The following PPP3CA variants were observed in gnomAD, a reference collection of about 807,000 sequenced individuals.
PPP3CA encodes protein phosphatase 3 catalytic subunit alpha.
PPP3CA carries 14 observed loss-of-function variants against 66.5 expected under a neutral mutation model. The ratio of observed to expected loss-of-function variants is 0.21; its 90% CI spans 0.14 to 0.33. PPP3CA has a LOEUF of 0.33. Ranked by LOEUF, PPP3CA falls within the 10% of genes least tolerant of loss-of-function variation. The pLI is 1.00. For synonymous variants in PPP3CA, 232 were observed against 226.2 expected (o/e 1.03, Z -0.23); for missense variants, 317 against 639.5 (o/e 0.50, Z 5.44).
chr4:101,233,624 G>A (rs958940171), intron 1 of PPP3CA, among the ~76,000 whole-genome samples: 11 of 151,498 alleles, frequency 7.3e-5, no homozygotes, highest in Non-Finnish European at 1.0e-4. Flanking sequence ...GCCTCTATGT[G>A]TGATACTGAA....
chr4:101,135,365 G>A (rs1054933765), intron 2 of PPP3CA, among the ~76,000 whole-genome samples: 6 of 151,966 alleles, frequency 3.9e-5, no homozygotes, highest in Non-Finnish European at 7.4e-5. Flanking sequence ...TGTCTGTGTT[G>A]AAACCCTTAG....
At chr4:101,213,004 TA>T (rs1454155346) in intron 1 of PPP3CA, among the ~76,000 whole-genome samples, 2 of 152,092 alleles carry the variant, frequency 1.3e-5, no homozygotes, top group East Asian at 3.9e-4. Context: ...ATTTTTCCTA[TA>T]AAACTCAGTC....
chr4:101,304,546 C>T (rs1025682395), intron 1 of PPP3CA, among the ~76,000 whole-genome samples: 1 of 152,032 alleles, frequency 6.6e-6, no homozygotes, highest in African/African-American at 2.4e-5. Flanking sequence ...AAAATAAATG[C>T]AATAAAAATC....
intron 2 of PPP3CA, among the ~76,000 whole-genome samples, chr4:101,152,765 A>C (rs987754829): frequency 2.0e-5 from 3 of 152,184 alleles, no homozygotes; most frequent in Non-Finnish European, 4.4e-5. Flanking sequence ...AGGCAGAGAA[A>C]CAGTCCTTGC....
At chr4:101,318,264 G>A (rs996812141) in intron 1 of PPP3CA, among the ~76,000 whole-genome samples, 2 of 152,248 alleles carry the variant, frequency 1.3e-5, no homozygotes, top group East Asian at 3.9e-4. Flanking sequence ...AAACCCCAGT[G>A]CCAATTAAAT....
intron 1 of PPP3CA, among the ~76,000 whole-genome samples, chr4:101,339,732 T>C (rs766254597): frequency 1.3e-5 from 2 of 152,226 alleles, no homozygotes; most frequent in Non-Finnish European, 2.9e-5. Flanking sequence ...AAGCAAGGCA[T>C]TGAGCTAGGG....
intron 2 of PPP3CA, among the ~76,000 whole-genome samples, chr4:101,167,899 A>AT (rs1723743059): frequency 6.6e-6 from 1 of 152,196 alleles, no homozygotes; most frequent in Admixed American, 6.5e-5. Flanking sequence ...ACATAAAGGC[A>AT]GAACAGGCAA....
At chr4:101,215,608 G>A (rs1311135418) in intron 1 of PPP3CA, among the ~76,000 whole-genome samples, 2 of 151,910 alleles carry the variant, frequency 1.3e-5, no homozygotes, top group African/African-American at 4.8e-5. Context: ...CTAAATGAAG[G>A]GGAAAGAAAG....
chr4:101,206,561 T>C (rs1725136683), intron 1 of PPP3CA, among the ~76,000 whole-genome samples: 1 of 152,152 alleles, frequency 6.6e-6, no homozygotes, highest in East Asian at 1.9e-4. Flanking sequence ...ATAATGCCAG[T>C]TGCAAATTTA....
At chr4:101,299,260 G>C (rs1187712319) in intron 1 of PPP3CA, among the ~76,000 whole-genome samples, 2 of 151,078 alleles carry the variant, frequency 1.3e-5, no homozygotes, top group Non-Finnish European at 3.0e-5. Flanking sequence ...GCCCATTAGA[G>C]TGTTCCAGGC....
At chr4:101,278,587 T>C (rs951905977) in intron 1 of PPP3CA, among the ~76,000 whole-genome samples, 5 of 152,310 alleles carry the variant, frequency 3.3e-5, no homozygotes, top group Non-Finnish European at 5.9e-5. Flanking sequence ...CTTCATTGTG[T>C]CCTGAAAAAC....
chr4:101,207,247 T>C (rs1725159004), intron 1 of PPP3CA, among the ~76,000 whole-genome samples: 1 of 152,178 alleles, frequency 6.6e-6, no homozygotes, highest in Non-Finnish European at 1.5e-5. Context: ...AGTTCAAATA[T>C]TTCCTTTAAA....
intron 1 of PPP3CA, among the ~76,000 whole-genome samples, chr4:101,317,141 T>C (rs1372821389): frequency 3.3e-5 from 5 of 151,956 alleles, no homozygotes; most frequent in African/African-American, 1.2e-4. Flanking sequence ...ACAATCTATC[T>C]GGCTGCATTC....
chr4:101,210,314 A>G (rs1243912911), intron 1 of PPP3CA, among the ~76,000 whole-genome samples: 1 of 152,184 alleles, frequency 6.6e-6, no homozygotes, highest in Non-Finnish European at 1.5e-5. Flanking sequence ...GGGAATTTCA[A>G]ACATTTCTTC....
rs75838840 is a variant in PPP3CA, at chr4:101,333,676, A to T, written c.58+13063T>A. 9.1e-3 allele frequency among the ~76,000 whole-genome samples: 1,388 copies of T among 152,224 alleles called. 17 individuals are homozygous for T. The highest frequency in any genetic ancestry group is 0.031 in the African/African-American group (1,292 of 41,508). On this transcript the variant is annotated intron_variant, in intron 1 of 13. Transcript: ENST00000394854. ...ACTAACATGTTAGGCAGAAACAGGC[A>T]TCCATCTTTATTTTAAAATAAGCTC...
At chr4:101,205,211 C>A (rs182948658) in intron 1 of PPP3CA, among the ~76,000 whole-genome samples, 1 of 151,992 alleles carries the variant, frequency 6.6e-6, no homozygotes, top group Non-Finnish European at 1.5e-5. Context: ...TAAGACTAGA[C>A]GAATTTATTT....
chr4:101,251,640 T>C (rs1361137706), intron 1 of PPP3CA, among the ~76,000 whole-genome samples: 1 of 152,104 alleles, frequency 6.6e-6, no homozygotes, highest in Non-Finnish European at 1.5e-5. Flanking sequence ...TTGTAGAGAT[T>C]AAAAGCAACA....
At chr4:101,241,064 C>T (rs1246563824) in intron 1 of PPP3CA, among the ~76,000 whole-genome samples, 2 of 151,826 alleles carry the variant, frequency 1.3e-5, no homozygotes, top group Non-Finnish European at 2.9e-5. Flanking sequence ...ACAGCGTCTC[C>T]CTATGTTGCC....
At chr4:101,282,479 G>A (rs1297082812) in intron 1 of PPP3CA, among the ~76,000 whole-genome samples, 2 of 152,138 alleles carry the variant, frequency 1.3e-5, no homozygotes, top group African/African-American at 2.4e-5. Flanking sequence ...CTAAATGACA[G>A]CGCAGTCAGC....
Sources: allele counts gnomAD v4.1 joint callset (sites outside exome capture counted in the v4.1 genomes callset), GRCh38; gene constraint gnomAD v4.1.1; transcripts MANE v1.5; gene names NCBI Gene and HGNC (gene_info 2026-07-23, HGNC 2026-07-21).